NCOA7: variants seen among roughly 807,000 people sequenced by gnomAD.
NCOA7 encodes nuclear receptor coactivator 7.
NCOA7 carries 45 observed loss-of-function variants against 104.3 expected under a neutral mutation model. That is an observed-to-expected ratio of 0.43 (90% confidence interval 0.34 to 0.55). The LOEUF (loss-of-function observed/expected upper bound fraction) is 0.55, where lower values mean the gene tolerates loss of function less well. Among genes scored for constraint, NCOA7 ranks in the 20% least tolerant of loss-of-function variants. NCOA7 has a pLI of 0.02. For missense variants in NCOA7, 1,041 were observed against 1,119.7 expected, an observed-to-expected ratio of 0.93 and a Z score of 1.00; for synonymous variants, 398 against 402.3, an observed-to-expected ratio of 0.99 and a Z score of 0.13.
At chr6:125,900,052 AC>A in intron 10 of NCOA7, 1 of 532,954 alleles carries the variant, frequency 1.9e-6, no homozygotes, top group Non-Finnish European at 3.9e-6. Flanking sequence ...ATGATTGCAA[AC>A]CTAAATGCCT....
In NCOA7 at chr6:125,914,007, G is replaced by C. The variant is rs537877025; in HGVS notation, c.2097-1326G>C. ...TTAAGACACAAACTGCAATGCTGACGTCACAGCAAACTAGTCAGTCTTTCA... is the reference window on the plus strand; with the variant it reads ...TTAAGACACAAACTGCAATGCTGACCTCACAGCAAACTAGTCAGTCTTTCA... On this transcript the variant is annotated intron_variant, in intron 10 of 15. Coordinates refer to ENST00000392477, the MANE Select transcript of NCOA7 (RefSeq NM_181782.5). Among the ~76,000 whole-genome samples the C allele has an allele frequency of 5.9e-5, 9 of 152,330 alleles. No homozygotes were observed. The South Asian group carries it at 1.7e-3, about 28-fold the overall frequency.
At chr6:125,892,940 C>T (rs1043074375) in intron 10 of NCOA7, among the ~76,000 whole-genome samples, 1 of 152,030 alleles carries the variant, frequency 6.6e-6, no homozygotes, top group Non-Finnish European at 1.5e-5. Context: ...GTCTACCTCC[C>T]CTGAAGGGAC....
intron 2 of NCOA7, among the ~76,000 whole-genome samples, chr6:125,844,249 A>G (rs1326298933): frequency 6.6e-6 from 1 of 152,244 alleles, no homozygotes; most frequent in Non-Finnish European, 1.5e-5. Flanking sequence ...ATATATTGCT[A>G]GTTATTGAAC....
Position 125,885,349 on chromosome 6 carries a change from A to G in NCOA7, c.884+6A>G, listed in dbSNP as rs1352886862. The G allele has an allele frequency of 1.2e-6, 2 of 1,611,902 alleles. No individual in the cohort carries two copies. The highest frequency in any genetic ancestry group is 2.7e-5 in the African/African-American group (2 of 74,868). On this transcript the variant is annotated splice_donor_region_variant and intron_variant, in intron 8 of 15. Coordinates refer to ENST00000392477, the MANE Select transcript of NCOA7 (RefSeq NM_181782.5). Reference sequence around the variant, plus strand: ...ATCAAAGATGCCTTGCCATCGTAAGACATTTATTTGTTTACCAGGAAAAAA... The same window carrying G: ...ATCAAAGATGCCTTGCCATCGTAAGGCATTTATTTGTTTACCAGGAAAAAA...
At chr6:125,888,442 T>G (rs184479948) in intron 8 of NCOA7, among the ~76,000 whole-genome samples, 105 of 152,282 alleles carry the variant, frequency 6.9e-4, no homozygotes, top group African/African-American at 2.5e-3. Context: ...AGTGACTTTA[T>G]ATGGAGCAGT....
At chr6:125,885,008 T>C (rs993139391) in intron 7 of NCOA7, 151 bp from the exon 8 acceptor site, 11 of 785,092 alleles carry the variant, frequency 1.4e-5, no homozygotes, top group Non-Finnish European at 2.0e-5. Flanking sequence ...AGCCTGTTTT[T>C]CTGGTCCTCA....
intron 1 of NCOA7, among the ~76,000 whole-genome samples, chr6:125,800,765 G>A (rs1002594482): frequency 1.3e-5 from 2 of 152,182 alleles, no homozygotes; most frequent in East Asian, 1.9e-4. Context: ...GGTGGCTCAC[G>A]CCTGTAATTC....
intron 2 of NCOA7, among the ~76,000 whole-genome samples, chr6:125,849,981 C>G (rs1273345915): frequency 6.6e-6 from 1 of 152,012 alleles, no homozygotes; most frequent in African/African-American, 2.4e-5. Flanking sequence ...CATTTTTCTG[C>G]AAGACCAATT....
chr6:125,843,294 G>A (rs944789833), intron 2 of NCOA7, among the ~76,000 whole-genome samples: 1 of 152,136 alleles, frequency 6.6e-6, no homozygotes, highest in African/African-American at 2.4e-5. Context: ...CTAGAAGCTG[G>A]AAAAAGCAAG....
intron 6 of NCOA7, among the ~76,000 whole-genome samples, chr6:125,881,772 T>A (rs12182937): frequency 0.12 from 17,327 of 146,662 alleles, 1,151 homozygotes; most frequent in African/African-American, 0.19. Flanking sequence ...CTCCTTTTTT[T>A]AAAAAAAAAA....
chr6:125,871,105 C>T (rs1444124156), intron 3 of NCOA7, among the ~76,000 whole-genome samples: 1 of 152,150 alleles, frequency 6.6e-6, no homozygotes. Context: ...CAACTTTTCC[C>T]TTGGCAGTAG....
chr6:125,917,484 G>T (rs900015233), intron 11 of NCOA7, among the ~76,000 whole-genome samples: 1 of 152,140 alleles, frequency 6.6e-6, no homozygotes, highest in Admixed American at 6.5e-5. Context: ...CATCTCCTCT[G>T]TGAATAAGCT....
chr6:125,857,466 G>A (rs1781662784), intron 3 of NCOA7, among the ~76,000 whole-genome samples: 2 of 151,522 alleles, frequency 1.3e-5, no homozygotes, highest in Admixed American at 1.3e-4. Flanking sequence ...AGAGAAAGAT[G>A]GGGTTCTCAC....
Position 125,929,947 on chromosome 6 carries a change from A to C in NCOA7, c.*1176A>C, listed in dbSNP as rs1303743908. 6.6e-6 allele frequency: 1 copy of C among 152,184 alleles called. No homozygotes were observed. 9.4% of individuals were successfully genotyped at this position (152,184 alleles called of 1,614,324 possible). A position where few individuals can be genotyped will look rare whatever the true frequency, so the allele number is the denominator to read the frequency against. ...TTGGACCAATTGTCTTGGTTTCTTG[A>C]TTCATTTATTTGAGAAAAAAACAAT... On this transcript the variant is annotated 3_prime_UTR_variant, in exon 16 of 16. Coordinates refer to ENST00000392477, the MANE Select transcript of NCOA7 (RefSeq NM_181782.5).
At chr6:125,791,652 G>C (rs1164058898) in intron 1 of NCOA7, among the ~76,000 whole-genome samples, 2 of 152,144 alleles carry the variant, frequency 1.3e-5, no homozygotes, top group African/African-American at 2.4e-5. Flanking sequence ...GATGAGGCTG[G>C]GATATTGTTG....
intron 8 of NCOA7, 142 bp from the exon 9 acceptor site, chr6:125,888,794 AATC>A: frequency 1.9e-6 from 1 of 515,526 alleles, no homozygotes; most frequent in South Asian, 4.1e-5. Context: ...TTTATTCTGA[AATC>A]ATTTGAACAT....
At position 125,929,971 on chromosome 6, in the gene NCOA7, A is replaced by G. The variant is rs1271616378; in HGVS notation, c.*1200A>G. ...GATTCATTTATTTGAGAAAAAAACA[A>G]TACAAAGAAATGCATTCATATCAAA... On this transcript the variant is annotated 3_prime_UTR_variant, in exon 16 of 16. Transcript: ENST00000392477. The G allele has an allele frequency of 6.6e-6, 1 of 152,252 alleles. No homozygotes were observed. Among genetic ancestry groups the G allele is most frequent in the East Asian group, 1.9e-4 (1 of 5,196 alleles). 9.4% of individuals were successfully genotyped at this position (152,252 alleles called of 1,614,324 possible). A position where few individuals can be genotyped will look rare whatever the true frequency, so the allele number is the denominator to read the frequency against.
intron 2 of NCOA7, among the ~76,000 whole-genome samples, chr6:125,830,864 G>A (rs985630760): frequency 2.6e-5 from 4 of 151,814 alleles, no homozygotes; most frequent in African/African-American, 4.8e-5. Context: ...TGCTCATAGT[G>A]AGGGGGGAAA....
chr6:125,903,583 CT>C (rs1224503998), intron 10 of NCOA7, among the ~76,000 whole-genome samples: 5 of 152,212 alleles, frequency 3.3e-5, no homozygotes, highest in Non-Finnish European at 5.9e-5. Flanking sequence ...ATCTATACTA[CT>C]GTTTACTTAA....
Sources: gnomAD v4.1 joint callset for allele counts (sites outside exome capture counted in the v4.1 genomes callset) on GRCh38, gnomAD v4.1.1 for gene constraint, MANE v1.5 for transcripts, NCBI Gene and HGNC (gene_info 2026-07-23, HGNC 2026-07-21) for gene names.